Variants in RNGTT observed in about 807,000 individuals in gnomAD.
The protein encoded by RNGTT is mRNA-capping enzyme.
A neutral mutation model predicts 79.3 loss-of-function variants in RNGTT; 33 were observed. The ratio of observed to expected loss-of-function variants is 0.42; its 90% confidence interval spans 0.32 to 0.56. The LOEUF (loss-of-function observed/expected upper bound fraction) is 0.56, where lower values mean the gene tolerates loss of function less well. Ranked by LOEUF, RNGTT falls within the 20% of genes least tolerant of loss-of-function variation. The pLI, the probability that RNGTT is intolerant of heterozygous loss-of-function variation, is 0.17. For missense variants in RNGTT, 497 were observed against 739.1 expected (o/e 0.67, Z 3.80); for synonymous variants, 222 against 235.9 (o/e 0.94, Z 0.54).
intron 8 of RNGTT, among the ~76,000 whole-genome samples, chr6:88,889,773 A>G (rs1268004412): frequency 6.6e-6 from 1 of 152,192 alleles, no homozygotes; most frequent in Non-Finnish European, 1.5e-5. Context: ...AGCCTGGGCA[A>G]CATAAGGAGA....
chr6:88,802,387 C>T (rs1157867), intron 11 of RNGTT, among the ~76,000 whole-genome samples: 148,520 of 152,304 alleles, frequency 0.98, 72,436 homozygotes, highest in East Asian at 1. Context: ...TTATAGACCC[C>T]ATACCCTCTA....
chr6:88,926,399 T>C (rs976501957), intron 4 of RNGTT, among the ~76,000 whole-genome samples: 2 of 152,236 alleles, frequency 1.3e-5, no homozygotes, highest in African/African-American at 2.4e-5. Context: ...CTCGGTAATA[T>C]TCAGTGACTT....
chr6:88,693,208 TA>T (rs1271283908), intron 13 of RNGTT, among the ~76,000 whole-genome samples: 1 of 151,762 alleles, frequency 6.6e-6, no homozygotes, highest in Non-Finnish European at 1.5e-5. Context: ...TCTGAAAAGA[TA>T]AACAAAATTG....
intron 13 of RNGTT, among the ~76,000 whole-genome samples, chr6:88,705,695 A>G (rs1459579164): frequency 1.3e-5 from 2 of 152,162 alleles, no homozygotes; most frequent in Admixed American, 6.5e-5. Context: ...ATCTGAAGTC[A>G]TCTGTGGTAT....
At chr6:88,944,900 G>T (rs1784956564) in intron 1 of RNGTT, among the ~76,000 whole-genome samples, 2 of 152,158 alleles carry the variant, frequency 1.3e-5, no homozygotes, top group Admixed American at 1.3e-4. Context: ...TGGGGGAAAG[G>T]GGGGCAACTG....
intron 13 of RNGTT, among the ~76,000 whole-genome samples, chr6:88,727,618 T>G (rs928790016): frequency 6.6e-6 from 1 of 152,210 alleles, no homozygotes; most frequent in African/African-American, 2.4e-5. Flanking sequence ...AATAACACAC[T>G]AATATAAAGG....
At chr6:88,654,986 G>A (rs1034078402) in intron 14 of RNGTT, among the ~76,000 whole-genome samples, 8 of 152,320 alleles carry the variant, frequency 5.3e-5, no homozygotes, top group Admixed American at 2.6e-4. Flanking sequence ...TGCAGGTTAT[G>A]AACAAAAGTT....
At chr6:88,678,306 G>A in intron 14 of RNGTT, 47 bp downstream of exon 14, 1 of 1,579,270 alleles carries the variant, frequency 6.3e-7, no homozygotes, top group South Asian at 1.2e-5. Context: ...ATGGATTCTA[G>A]ATAAGAGAAC....
intron 12 of RNGTT, among the ~76,000 whole-genome samples, chr6:88,772,253 G>A (rs1355525826): frequency 6.6e-6 from 1 of 150,676 alleles, no homozygotes; most frequent in Non-Finnish European, 1.5e-5. Flanking sequence ...TGAATCATCT[G>A]TATACTGAAC....
chr6:88,619,132 C>A (rs1252717416), intron 14 of RNGTT, among the ~76,000 whole-genome samples: 8 of 151,992 alleles, frequency 5.3e-5, no homozygotes, highest in Non-Finnish European at 1.0e-4. Flanking sequence ...TATCTTGCTT[C>A]CACCTTTTCT....
intron 13 of RNGTT, among the ~76,000 whole-genome samples, chr6:88,691,951 G>T (rs1414228198): frequency 6.6e-6 from 1 of 152,048 alleles, no homozygotes; most frequent in Non-Finnish European, 1.5e-5. Context: ...TCTTAGTAAA[G>T]AACTGCATAA....
intron 8 of RNGTT, among the ~76,000 whole-genome samples, chr6:88,877,963 T>C (rs191949856): frequency 1.3e-3 from 191 of 152,194 alleles, no homozygotes; most frequent in African/African-American, 4.3e-3. Flanking sequence ...TCTCTAAGAG[T>C]TTTGGTTATC....
intron 12 of RNGTT, among the ~76,000 whole-genome samples, chr6:88,791,781 C>T (rs561757703): frequency 5.3e-5 from 8 of 152,276 alleles, no homozygotes; most frequent in African/African-American, 1.4e-4. Context: ...CCTCGTGATC[C>T]GCCCGCCTTG....
At chr6:88,767,866 A>G (rs575033181) in intron 13 of RNGTT, among the ~76,000 whole-genome samples, 5 of 152,234 alleles carry the variant, frequency 3.3e-5, no homozygotes, top group African/African-American at 9.6e-5. Context: ...AAATCTGTAC[A>G]CTGGGCACTT....
At chr6:88,653,863 C>T (rs1443055799) in intron 14 of RNGTT, among the ~76,000 whole-genome samples, 1 of 152,168 alleles carries the variant, frequency 6.6e-6, no homozygotes, top group African/African-American at 2.4e-5. Flanking sequence ...AACAGCTCAG[C>T]CTCATAGGGC....
intron 4 of RNGTT, among the ~76,000 whole-genome samples, chr6:88,912,282 T>C (rs927387700): frequency 6.6e-6 from 1 of 151,490 alleles, no homozygotes; most frequent in African/African-American, 2.4e-5. Context: ...CATGGTGGCA[T>C]GCACCTGTAA....
At chr6:88,719,935 T>C (rs1031405693) in intron 13 of RNGTT, among the ~76,000 whole-genome samples, 2 of 152,200 alleles carry the variant, frequency 1.3e-5, no homozygotes, top group Admixed American at 6.5e-5. Flanking sequence ...GTACATCTAC[T>C]CATTTCATCG....
chr6:88,843,683 C>T lies in RNGTT; in HGVS notation c.1269+674G>A, dbSNP rs573220019. The stretch of plus-strand genomic sequence containing the variant: ...AAGCGATTCTCCTGCCTCAGCCTCC[C>T]GAGTAGCTGGGACTATAGACATGCG... On this transcript the variant is annotated intron_variant, in intron 11 of 15. Transcript: ENST00000369485. 1.0e-4 allele frequency among the ~76,000 whole-genome samples: 15 copies of T among 150,390 alleles called. No homozygotes were observed. The East Asian group carries it at 2.4e-3, about 24-fold the overall frequency.
intron 14 of RNGTT, among the ~76,000 whole-genome samples, chr6:88,635,064 A>G (rs989414533): frequency 6.6e-6 from 1 of 152,156 alleles, no homozygotes; most frequent in East Asian, 1.9e-4. Flanking sequence ...GTGGTTTGCT[A>G]GGCTCACTCC....
Sources: gnomAD v4.1 joint callset for allele counts (sites outside exome capture counted in the v4.1 genomes callset) on GRCh38, gnomAD v4.1.1 for gene constraint, MANE v1.5 for transcripts, NCBI Gene and HGNC (gene_info 2026-07-23, HGNC 2026-07-21) for gene names.